SMYD3: variants seen among roughly 807,000 people sequenced by gnomAD.
SMYD3 encodes SET and MYND domain containing 3, also known as histone-lysine N-methyltransferase SMYD3.
SMYD3 carries 36 observed loss-of-function variants against 57.7 expected under a neutral mutation model. The observed-to-expected ratio is 0.62, with a 90% CI of 0.48 to 0.82. The LOEUF (loss-of-function observed/expected upper bound fraction) is 0.82. Ranked by LOEUF, SMYD3 falls within the 40% of genes least tolerant of loss-of-function variation. SMYD3 has a pLI of 0.00. For missense variants in SMYD3, 515 were observed against 538.8 expected, an observed-to-expected ratio of 0.96 and a Z score of 0.44; for synonymous variants, 211 against 195.0, an observed-to-expected ratio of 1.08 and a Z score of -0.68.
At chr1:246,140,066 A>G (rs2061728236) in intron 5 of SMYD3, among the ~76,000 whole-genome samples, 1 of 152,234 alleles carries the variant, frequency 6.6e-6, no homozygotes, top group African/African-American at 2.4e-5. Context: ...CTTTAGTTAC[A>G]TAAGAATATT....
chr1:245,920,312 C>CAA (rs142636842), intron 7 of SMYD3, among the ~76,000 whole-genome samples: 8 of 82,254 alleles, frequency 9.7e-5, no homozygotes, highest in Admixed American at 2.6e-4. Flanking sequence ...GACTCCGTCT[C>CAA]AAAAAAAAAA....
chr1:246,378,262 T>C (rs1020833979), intron 1 of SMYD3, among the ~76,000 whole-genome samples: 1 of 152,154 alleles, frequency 6.6e-6, no homozygotes, highest in African/African-American at 2.4e-5. Flanking sequence ...AGTTGACCAC[T>C]GTGATGGTTG....
At position 246,297,884 on chromosome 1, in the gene SMYD3, T is replaced by C. The variant is rs1050142209; in HGVS notation, c.531+29317A>G. Among the ~76,000 whole-genome samples, 13 of 152,152 alleles carry C rather than the reference T, an allele frequency of 8.5e-5. 1 individual carries two copies. Among genetic ancestry groups the C allele is most frequent in the African/African-American group, 2.7e-4 (11 of 41,462 alleles). On this transcript the variant is annotated intron_variant, in intron 5 of 11. Transcript: ENST00000490107. ...GACAATGATCTTCATATTTTAGAGG[T>C]AGACAGCTTTACTCTTTGGTTTCTG...
chr1:245,930,874 G>A (rs1033246719), intron 5 of SMYD3: 1 of 152,298 alleles, frequency 6.6e-6, no homozygotes, highest in East Asian at 1.9e-4. Flanking sequence ...TGTCAAGAAA[G>A]CTCTTTAGGA....
chr1:246,213,754 T>C (rs2063123447), intron 5 of SMYD3, among the ~76,000 whole-genome samples: 1 of 152,194 alleles, frequency 6.6e-6, no homozygotes. Context: ...TATCTTAGCA[T>C]CTGTAATGGC....
intron 2 of SMYD3, among the ~76,000 whole-genome samples, chr1:246,338,196 TA>T (rs1287724021): frequency 6.6e-6 from 1 of 152,228 alleles, no homozygotes; most frequent in Non-Finnish European, 1.5e-5. Context: ...CTTTTCTTTT[TA>T]AAACATTAAC....
chr1:246,255,308 ATGGATCTTATT>A (rs2063864064), intron 5 of SMYD3, among the ~76,000 whole-genome samples: 1 of 150,064 alleles, frequency 6.7e-6, no homozygotes, highest in Non-Finnish European at 1.5e-5. Flanking sequence ...TTATTATTTG[ATGGATCTTATT>A]ATAATAATAA....
At chr1:245,996,983 C>T (rs1427281363) in intron 5 of SMYD3, among the ~76,000 whole-genome samples, 2 of 152,212 alleles carry the variant, frequency 1.3e-5, no homozygotes, top group Non-Finnish European at 2.9e-5. Flanking sequence ...GGCACTGAGG[C>T]GACGTCGCTG....
chr1:245,981,568 T>C (rs2058597771), intron 5 of SMYD3, among the ~76,000 whole-genome samples: 1 of 152,234 alleles, frequency 6.6e-6, no homozygotes, highest in African/African-American at 2.4e-5. Flanking sequence ...CCAAAACAGC[T>C]GTCAGAAACC....
chr1:246,138,393 C>G (rs1413629665), intron 5 of SMYD3, among the ~76,000 whole-genome samples: 1 of 151,926 alleles, frequency 6.6e-6, no homozygotes, highest in Non-Finnish European at 1.5e-5. Context: ...GTCAGTTCAT[C>G]TCTTCCTATA....
intron 10 of SMYD3, among the ~76,000 whole-genome samples, chr1:245,778,997 T>C (rs950577967): frequency 6.6e-6 from 1 of 151,740 alleles, no homozygotes; most frequent in African/African-American, 2.4e-5. Flanking sequence ...CTGTCTCTAC[T>C]AAAAATACAA....
chr1:245,831,358 T>C (rs987654963), intron 10 of SMYD3, among the ~76,000 whole-genome samples: 11 of 152,178 alleles, frequency 7.2e-5, no homozygotes, highest in Admixed American at 5.2e-4. Flanking sequence ...GGAGCTAGCA[T>C]TTGGCCAAGA....
rs189814884 is a variant in SMYD3 at position 246,285,766 on chromosome 1, G to T, written c.531+41435C>A. Among the ~76,000 whole-genome samples, 23 of 152,148 alleles carry T rather than the reference G, an allele frequency of 1.5e-4. No individual in the cohort carries two copies. In the East Asian group the frequency reaches 4.4e-3, roughly 29 times the overall value. On this transcript the variant is annotated intron_variant, in intron 5 of 11. Transcript: ENST00000490107. ...ACATCCAACAAAGGACTAATATCCA[G>T]AATCTACAAGAAACTCAAACAAATT...
At chr1:246,443,054 T>C (rs2067495043) in intron 1 of SMYD3, among the ~76,000 whole-genome samples, 1 of 152,212 alleles carries the variant, frequency 6.6e-6, no homozygotes, top group Non-Finnish European at 1.5e-5. Flanking sequence ...GCTCTTCCTA[T>C]TTTGGATTTT....
At chr1:246,340,874 G>A (rs911848465) in intron 2 of SMYD3, among the ~76,000 whole-genome samples, 5 of 152,120 alleles carry the variant, frequency 3.3e-5, no homozygotes, top group Admixed American at 3.3e-4. Context: ...CAGAGGCTAA[G>A]AGGAGAGGAT....
chr1:246,067,266 CCAGA>C (rs1416253541), intron 5 of SMYD3, among the ~76,000 whole-genome samples: 1 of 152,156 alleles, frequency 6.6e-6, no homozygotes, highest in Non-Finnish European at 1.5e-5. Context: ...TGTCTACATA[CCAGA>C]CAGCCAGTGG....
At chr1:245,959,011 G>A (rs1002016301) in intron 5 of SMYD3, among the ~76,000 whole-genome samples, 7 of 152,152 alleles carry the variant, frequency 4.6e-5, no homozygotes, top group Admixed American at 1.3e-4. Context: ...AGGTTCAAGC[G>A]ATTTTCACGT....
intron 5 of SMYD3, among the ~76,000 whole-genome samples, chr1:246,165,162 T>C (rs1193890633): frequency 6.6e-6 from 1 of 152,230 alleles, no homozygotes; most frequent in African/African-American, 2.4e-5. Flanking sequence ...ACATGGAGAT[T>C]GCTGCTCATC....
At chr1:246,101,064 G>GTTTTTTT (rs538220674) in intron 5 of SMYD3, among the ~76,000 whole-genome samples, 3 of 78,564 alleles carry the variant, frequency 3.8e-5, no homozygotes, top group Non-Finnish European at 6.1e-5. Context: ...ATTTTTAGGG[G>GTTTTTTT]TTTTTTGTTT....
Sources: gnomAD v4.1 joint callset for allele counts (sites outside exome capture counted in the v4.1 genomes callset) on GRCh38, gnomAD v4.1.1 for gene constraint, MANE v1.5 for transcripts, NCBI Gene and HGNC (gene_info 2026-07-23, HGNC 2026-07-21) for gene names.